FMN1: variants seen among roughly 807,000 people sequenced by gnomAD.
FMN1 encodes formin 1.
In FMN1, 110 loss-of-function variants were observed where a neutral mutation model predicts 132.4. That is an observed-to-expected ratio of 0.83 (90% CI 0.71 to 0.97). The LOEUF (loss-of-function observed/expected upper bound fraction) is 0.97, where lower values mean the gene tolerates loss of function less well. Ranked by LOEUF, FMN1 falls within the 50% of genes least tolerant of loss-of-function variation. FMN1 has a pLI of 0.00. For missense variants in FMN1, 1,792 were observed against 1,705.3 expected (o/e 1.05, Z -0.90); for synonymous variants, 722 against 651.7 (o/e 1.11, Z -1.64).
chr15:32,963,978 A>G (rs1379417369), intron 9 of FMN1, 129 bp downstream of exon 9: 2 of 513,904 alleles, frequency 3.9e-6, no homozygotes, highest in Non-Finnish European at 3.4e-6. Flanking sequence ...TGATACACAC[A>G]CATATATGTA....
At chr15:33,069,452 T>C (rs1010349765) in intron 5 of FMN1, among the ~76,000 whole-genome samples, 13 of 152,136 alleles carry the variant, frequency 8.5e-5, no homozygotes, top group Non-Finnish European at 1.8e-4. Context: ...TCCAAGAAGA[T>C]TGTGGTCAAG....
At chr15:32,926,288 A>C in intron 9 of FMN1, 27 bp from the exon 10 acceptor site, 1 of 1,289,990 alleles carries the variant, frequency 7.8e-7, no homozygotes, top group Non-Finnish European at 1.1e-6. Context: ...AAAAAAAAGA[A>C]TACAAGCTCA....
chr15:32,820,113 G>T (rs545552910), intron 17 of FMN1, among the ~76,000 whole-genome samples: 72 of 152,232 alleles, frequency 4.7e-4, no homozygotes, highest in Non-Finnish European at 8.5e-4. Context: ...AATACAACCT[G>T]AAGGGTGTAT....
chr15:32,908,773 TGGGGGG>T (rs2060490111), intron 11 of FMN1, among the ~76,000 whole-genome samples, 195 bp from the exon 12 acceptor site: 1 of 151,312 alleles, frequency 6.6e-6, no homozygotes, highest in Non-Finnish European at 1.5e-5. Context: ...TGGGTGGGGG[TGGGGGG>T]ATGCAAGCCC....
chr15:33,128,169 T>A (rs937782052), intron 4 of FMN1, among the ~76,000 whole-genome samples: 6 of 144,532 alleles, frequency 4.2e-5, no homozygotes, highest in Admixed American at 4.0e-4. Flanking sequence ...GATGGAGAAA[T>A]AAAGCAAGCA....
At chr15:32,798,244 T>C (rs546500861) in intron 19 of FMN1, among the ~76,000 whole-genome samples, 92 of 151,776 alleles carry the variant, frequency 6.1e-4, no homozygotes, top group Middle Eastern at 3.4e-3. Flanking sequence ...GTTGAGGTTT[T>C]TCTTCTACCC....
At chr15:32,965,349 G>C (rs1254614119) in intron 8 of FMN1, among the ~76,000 whole-genome samples, 1 of 152,114 alleles carries the variant, frequency 6.6e-6, no homozygotes, top group African/African-American at 2.4e-5. Flanking sequence ...GCGATGAACT[G>C]AGATTGTGCC....
chr15:32,946,673 G>A (rs1280663462), intron 9 of FMN1, among the ~76,000 whole-genome samples: 1 of 152,092 alleles, frequency 6.6e-6, no homozygotes, highest in Non-Finnish European at 1.5e-5. Context: ...AAAACTAGGG[G>A]AGCCCTTTAA....
At chr15:32,817,552 T>C (rs2058092658) in intron 17 of FMN1, among the ~76,000 whole-genome samples, 1 of 152,170 alleles carries the variant, frequency 6.6e-6, no homozygotes. Flanking sequence ...GTCTCTTGGG[T>C]GATATTTGCA....
intron 4 of FMN1, among the ~76,000 whole-genome samples, chr15:33,092,504 G>A (rs780197774): frequency 7.2e-5 from 11 of 152,204 alleles, no homozygotes; most frequent in Middle Eastern, 6.8e-3. Flanking sequence ...TAAGACGCAC[G>A]GTGTGTTTTC....
chr15:32,999,143 T>C (rs1353828063), intron 7 of FMN1, among the ~76,000 whole-genome samples: 1 of 152,228 alleles, frequency 6.6e-6, no homozygotes, highest in African/African-American at 2.4e-5. Flanking sequence ...CTTAGGGGAA[T>C]ACCATAAGGG....
At chr15:33,150,853 AG>A in intron 4 of FMN1, 1 of 989,568 alleles carries the variant, frequency 1.0e-6, no homozygotes. Flanking sequence ...CCTGGGAGAA[AG>A]GTGGGAGTTG....
intron 19 of FMN1, among the ~76,000 whole-genome samples, chr15:32,793,928 A>G (rs754725176): frequency 6.6e-6 from 1 of 152,178 alleles, no homozygotes; most frequent in Non-Finnish European, 1.5e-5. Context: ...TGTAAAGAAA[A>G]GAATTCCTGT....
intron 15 of FMN1, among the ~76,000 whole-genome samples, chr15:32,898,222 A>G (rs1046906996): frequency 1.3e-5 from 2 of 152,212 alleles, no homozygotes; most frequent in African/African-American, 4.8e-5. Flanking sequence ...GACTTTTACT[A>G]TTCATATCGA....
chr15:32,889,781 T>A (rs899656557), intron 15 of FMN1, among the ~76,000 whole-genome samples: 2 of 152,190 alleles, frequency 1.3e-5, no homozygotes, highest in Admixed American at 6.5e-5. Flanking sequence ...ACCATTAATT[T>A]TTTTCCCATA....
intron 3 of FMN1, among the ~76,000 whole-genome samples, chr15:33,179,122 C>T (rs1223278715): frequency 6.6e-6 from 1 of 151,954 alleles, no homozygotes; most frequent in Non-Finnish European, 1.5e-5. Context: ...TAATTAGGAA[C>T]AAAATTGGCT....
intron 17 of FMN1, among the ~76,000 whole-genome samples, chr15:32,813,161 G>A (rs190983522): frequency 2.3e-4 from 35 of 152,124 alleles, no homozygotes; most frequent in Admixed American, 1.8e-3. Flanking sequence ...TAGCAATTAC[G>A]ACACCATTCT....
chr15:32,992,827 G>C (rs186286855), intron 7 of FMN1, among the ~76,000 whole-genome samples: 1 of 152,046 alleles, frequency 6.6e-6, no homozygotes, highest in African/African-American at 2.4e-5. Flanking sequence ...CATAAAAATC[G>C]TTCATTTTTA....
At chr15:33,062,595 C>T (rs559122586) in intron 6 of FMN1, 1 of 152,212 alleles carries the variant, frequency 6.6e-6, no homozygotes, top group East Asian at 1.9e-4. Context: ...GCACTCCAGC[C>T]TGGGCGACAG....
Sources: gnomAD v4.1 joint callset for allele counts (sites outside exome capture counted in the v4.1 genomes callset) on GRCh38, gnomAD v4.1.1 for gene constraint, MANE v1.5 for transcripts, NCBI Gene and HGNC (gene_info 2026-07-23, HGNC 2026-07-21) for gene names.